The following RBFOX1 variants were observed in gnomAD, a reference collection of about 807,000 sequenced individuals.
RBFOX1 encodes RNA binding fox-1 homolog 1.
In RBFOX1, 8 loss-of-function variants were observed where a neutral mutation model predicts 57.7. The ratio of observed to expected loss-of-function variants is 0.14; its 90% CI spans 0.08 to 0.25. The LOEUF (loss-of-function observed/expected upper bound fraction) is 0.25, where lower values mean the gene tolerates loss of function less well. Ranked by LOEUF, RBFOX1 falls within the 10% of genes least tolerant of loss-of-function variation. The pLI is 1.00. For synonymous variants in RBFOX1, 326 were observed against 222.4 expected (o/e 1.47, Z -4.15); for missense variants, 611 against 548.5 (o/e 1.11, Z -1.14).
chr16:6,026,489 T>C (rs1158807491), intron 1 of RBFOX1, among the ~76,000 whole-genome samples: 2 of 152,222 alleles, frequency 1.3e-5, no homozygotes, highest in Non-Finnish European at 2.9e-5. Context: ...CAGCCCCTGA[T>C]GCTCATCACT....
At chr16:5,899,898 A>T (rs1161191826) in intron 4 of RBFOX1, among the ~76,000 whole-genome samples, 1 of 152,100 alleles carries the variant, frequency 6.6e-6, no homozygotes, top group Non-Finnish European at 1.5e-5. Flanking sequence ...ACATGGTGCA[A>T]CCCTGTCTCT....
At chr16:6,766,209 C>G (rs954086585) in intron 3 of RBFOX1, among the ~76,000 whole-genome samples, 1 of 152,072 alleles carries the variant, frequency 6.6e-6, no homozygotes, top group South Asian at 2.1e-4. Flanking sequence ...AAGAGCCCTT[C>G]AGTCCAACCA....
rs74004997 is a variant in RBFOX1 at position 6,158,404 on chromosome 16, G to T, written c.-127+138412G>T. Among the ~76,000 whole-genome samples the T allele has an allele frequency of 1.8e-3, 269 of 152,260 alleles. 2 individuals are homozygous for T. The highest frequency in any genetic ancestry group is 4.5e-3 in the African/African-American group (188 of 41,548). On this transcript the variant is annotated intron_variant, in intron 1 of 15. Coordinates refer to ENST00000550418, the MANE Select transcript of RBFOX1 (RefSeq NM_018723.4). Reference sequence around the variant, plus strand: ...ATAGTGAAGGAAATAATGGCAGCCCGTTCCAGTCTCGCCGTGCCTGTGAGG... The same window carrying T: ...ATAGTGAAGGAAATAATGGCAGCCCTTTCCAGTCTCGCCGTGCCTGTGAGG...
chr16:5,587,664 G>A (rs1463814236), intron 2 of RBFOX1, among the ~76,000 whole-genome samples: 13 of 152,222 alleles, frequency 8.5e-5, no homozygotes. Context: ...AGTGAGCCAA[G>A]ATCGCGGCAC....
chr16:7,236,941 G>A (rs1248904453), intron 4 of RBFOX1, among the ~76,000 whole-genome samples: 4 of 152,170 alleles, frequency 2.6e-5, no homozygotes, highest in Non-Finnish European at 5.9e-5. Context: ...GCCTGCCTCT[G>A]TGTTGTGGTT....
rs374493640 is a variant in RBFOX1 at position 6,098,021 on chromosome 16, TG to T, written c.-127+78031del. On this transcript the variant is annotated intron_variant, in intron 1 of 15. Transcript: ENST00000550418. ...ATTTGTGACAAGCTCCCACGGATGC[TG>T]GTGCTCACTTGGCATAGCAAGGGGT... is the stretch of plus-strand genomic sequence containing the variant. 9.9e-5 allele frequency among the ~76,000 whole-genome samples: 15 copies of T among 152,284 alleles called. No homozygotes were observed. The East Asian group carries it at 2.7e-3, about 27-fold the overall frequency.
At chr16:6,821,600 G>C (rs918125797) in intron 3 of RBFOX1, among the ~76,000 whole-genome samples, 5 of 152,154 alleles carry the variant, frequency 3.3e-5, no homozygotes, top group African/African-American at 1.2e-4. Context: ...CTGTCACAAT[G>C]GATGTGTCCG....
At chr16:7,554,104 G>T (rs1184850601) in intron 5 of RBFOX1, among the ~76,000 whole-genome samples, 4 of 152,124 alleles carry the variant, frequency 2.6e-5, no homozygotes, top group Non-Finnish European at 5.9e-5. Flanking sequence ...GCAAGATCCT[G>T]TCTCAAAAAA....
intron 1 of RBFOX1, among the ~76,000 whole-genome samples, chr16:6,219,494 A>C (rs1006885711): frequency 6.6e-6 from 1 of 152,188 alleles, no homozygotes; most frequent in Non-Finnish European, 1.5e-5. Context: ...TTCATTTTCT[A>C]TTGATCCAGT....
At chr16:5,515,865 T>A (rs980162860) in intron 2 of RBFOX1, among the ~76,000 whole-genome samples, 2 of 151,938 alleles carry the variant, frequency 1.3e-5, no homozygotes, top group African/African-American at 2.4e-5. Context: ...TAGGCCCTTT[T>A]GTGTGCATTT....
intron 2 of RBFOX1, among the ~76,000 whole-genome samples, chr16:5,493,694 G>A (rs2042909629): frequency 6.6e-6 from 1 of 152,204 alleles, no homozygotes; most frequent in Non-Finnish European, 1.5e-5. Flanking sequence ...AGGCCATGCC[G>A]AGTGTTGACA....
chr16:7,588,132 T>TTGCACCAC (rs2094227387), intron 7 of RBFOX1, among the ~76,000 whole-genome samples: 2 of 152,150 alleles, frequency 1.3e-5, no homozygotes, highest in African/African-American at 4.8e-5. Context: ...TGAGCTGAGA[T>TTGCACCAC]TGCACCACTG....
intron 3 of RBFOX1, among the ~76,000 whole-genome samples, chr16:6,729,643 C>A (rs549474804): frequency 2.0e-5 from 3 of 152,128 alleles, no homozygotes; most frequent in South Asian, 4.1e-4. Flanking sequence ...GTACCTCATT[C>A]TCTTCTAACT....
chr16:7,593,163 C>A (rs2094529188), intron 7 of RBFOX1, among the ~76,000 whole-genome samples: 1 of 152,124 alleles, frequency 6.6e-6, no homozygotes, highest in Admixed American at 6.6e-5. Flanking sequence ...AATGAGAGGT[C>A]ATGGAAATCA....
chr16:5,961,623 A>G (rs1336914015), intron 4 of RBFOX1, among the ~76,000 whole-genome samples: 1 of 152,144 alleles, frequency 6.6e-6, no homozygotes, highest in Non-Finnish European at 1.5e-5. Flanking sequence ...CAGTTCAAAC[A>G]ATCCTCCCAC....
intron 5 of RBFOX1, among the ~76,000 whole-genome samples, chr16:7,539,316 G>C (rs942171374): frequency 6.6e-6 from 1 of 152,148 alleles, no homozygotes; most frequent in African/African-American, 2.4e-5. Flanking sequence ...TCCAGCAAGA[G>C]AAGACAGTGG....
At chr16:6,124,966 T>C (rs1438801876) in intron 1 of RBFOX1, among the ~76,000 whole-genome samples, 1 of 152,208 alleles carries the variant, frequency 6.6e-6, no homozygotes, top group East Asian at 1.9e-4. Context: ...TAGGTCTTTG[T>C]AGTTACAAGG....
chr16:6,619,646 ACT>A lies in RBFOX1; in HGVS notation c.-63-34952_-63-34951del, dbSNP rs375658181. 7.9e-4 allele frequency among the ~76,000 whole-genome samples: 115 copies of A among 145,220 alleles called. 1 individual carries two copies. In the East Asian group the frequency reaches 0.02, roughly 26 times the overall value. On this transcript the variant is annotated intron_variant, in intron 2 of 15. Coordinates refer to ENST00000550418, the MANE Select transcript of RBFOX1 (RefSeq NM_018723.4). ...GTGCGTAAACCTGTGCCCCTGAGAA[ACT>A]CTCTGCTTCTCAAAACTGCTTTCAT... is the stretch of plus-strand genomic sequence containing the variant.
At chr16:6,822,829 G>A (rs1567412181) in intron 3 of RBFOX1, among the ~76,000 whole-genome samples, 1 of 152,184 alleles carries the variant, frequency 6.6e-6, no homozygotes, top group Non-Finnish European at 1.5e-5. Flanking sequence ...GAGAGCAATA[G>A]CTGAATCTTA....
Sources: allele counts gnomAD v4.1 joint callset (sites outside exome capture counted in the v4.1 genomes callset), GRCh38; gene constraint gnomAD v4.1.1; transcripts MANE v1.5; gene names NCBI Gene and HGNC (gene_info 2026-07-23, HGNC 2026-07-21).